The following ZNF736 variants were observed in gnomAD, a reference collection of about 807,000 sequenced individuals.
ZNF736 encodes zinc finger protein 736.
Under a neutral mutation model 11.7 loss-of-function variants are expected in ZNF736, and 6 were observed. The ratio of observed to expected loss-of-function variants is 0.51; its 90% CI spans 0.28 to 1.01. The LOEUF (loss-of-function observed/expected upper bound fraction) is 1.01, where lower values mean the gene tolerates loss of function less well. ZNF736 is among the 50% of genes least tolerant of loss of function. ZNF736 has a pLI of 0.09. For synonymous variants in ZNF736, 139 were observed against 164.7 expected (o/e 0.84, Z 1.19); for missense variants, 444 against 496.0 (o/e 0.90, Z 1.00).
chr7:64,353,629 A>G lies in ZNF736; in HGVS notation c.*4482A>G, dbSNP rs1789518364. 1 of 152,194 alleles carries G rather than the reference A, an allele frequency of 6.6e-6. No individual in the cohort carries two copies. The highest frequency in any genetic ancestry group is 2.4e-5 in the African/African-American group (1 of 41,450). The allele number at this position is 152,194 out of a possible 1,614,324, so 9.4% of individuals were successfully genotyped here. A position where few individuals can be genotyped will look rare whatever the true frequency, so the allele number is the denominator to read the frequency against. On this transcript the variant is annotated 3_prime_UTR_variant, in exon 4 of 4. Transcript: ENST00000423484. ...TTCTATATTAGATGGACAGATTTAT[A>G]TACTTTTCCATGGAGGATTAAGTAA...
At position 64,328,012 on chromosome 7, in the gene ZNF736, A is replaced by G. The variant is rs541212888; in HGVS notation, c.4-8247A>G. 3.9e-5 allele frequency among the ~76,000 whole-genome samples: 6 copies of G among 152,288 alleles called. No individual in the cohort carries two copies. The South Asian group carries it at 1.2e-3, about 32-fold the overall frequency. Reference sequence around the variant, plus strand: ...GAAAGAGTTATTACTTTTCATAATTACAAGTAGTTATAGACTAATCTTTTA... The same window carrying G: ...GAAAGAGTTATTACTTTTCATAATTGCAAGTAGTTATAGACTAATCTTTTA... On this transcript the variant is annotated intron_variant, in intron 1 of 3. Coordinates refer to ENST00000423484, the MANE Select transcript of ZNF736 (RefSeq NM_001170905.3).
chr7:64,321,406 C>T (rs772078195), intron 1 of ZNF736, among the ~76,000 whole-genome samples: 4 of 152,104 alleles, frequency 2.6e-5, no homozygotes, highest in Non-Finnish European at 5.9e-5. Context: ...CAATAGAAAA[C>T]AGCTGTGTTT....
intron 3 of ZNF736, among the ~76,000 whole-genome samples, chr7:64,345,213 G>A (rs1483071970): frequency 6.6e-6 from 1 of 150,534 alleles, no homozygotes; most frequent in African/African-American, 2.4e-5. Context: ...TAGTAGAGAC[G>A]GGGTTTCACC....
intron 3 of ZNF736, among the ~76,000 whole-genome samples, chr7:64,347,640 C>T (rs151068534): frequency 2.6e-5 from 4 of 152,202 alleles, no homozygotes; most frequent in East Asian, 1.9e-4. Flanking sequence ...CTCAGCTGTC[C>T]GAAACTGTCA....
intron 1 of ZNF736, among the ~76,000 whole-genome samples, chr7:64,325,267 G>GT (rs1420534376): frequency 1.3e-5 from 2 of 151,986 alleles, no homozygotes; most frequent in Non-Finnish European, 2.9e-5. Flanking sequence ...TGTTAAATTT[G>GT]TTTTTCGCCT....
At chr7:64,337,746 G>GTTTTGT (rs1562673494) in intron 3 of ZNF736, among the ~76,000 whole-genome samples, 1 of 79,362 alleles carries the variant, frequency 1.3e-5, no homozygotes, top group South Asian at 5.4e-4. Flanking sequence ...GTTTTGTTTT[G>GTTTTGT]TTTTTTTTGG....
chr7:64,353,308 A>G lies in ZNF736; in HGVS notation c.*4161A>G, dbSNP rs942770123. ...TGCCTTGCTTTACTCCATTCTCCATAGATTGTTTCTTTGATTATTCCCAAT... is the reference window on the plus strand; with the variant it reads ...TGCCTTGCTTTACTCCATTCTCCATGGATTGTTTCTTTGATTATTCCCAAT... On this transcript the variant is annotated 3_prime_UTR_variant, in exon 4 of 4. Coordinates refer to ENST00000423484, the MANE Select transcript of ZNF736 (RefSeq NM_001170905.3). 1 of 152,046 alleles carries G rather than the reference A, an allele frequency of 6.6e-6. No individual in the cohort carries two copies. Among genetic ancestry groups the G allele is most frequent in the Admixed American group, 6.6e-5 (1 of 15,264 alleles). 9.4% of individuals were successfully genotyped at this position (152,046 alleles called of 1,614,324 possible). A position where few individuals can be genotyped will look rare whatever the true frequency, so the allele number is the denominator to read the frequency against.
At chr7:64,319,812 G>A (rs1788979572) in intron 1 of ZNF736, among the ~76,000 whole-genome samples, 2 of 147,096 alleles carry the variant, frequency 1.4e-5, no homozygotes, top group Non-Finnish European at 3.0e-5. Flanking sequence ...TTCTTTACTT[G>A]TCTTTTTCTT....
intron 1 of ZNF736, among the ~76,000 whole-genome samples, chr7:64,325,353 A>G (rs563064084): frequency 3.9e-5 from 6 of 152,308 alleles, no homozygotes; most frequent in South Asian, 4.1e-4. Context: ...CTGGATGACT[A>G]TTTCTAGCTT....
chr7:64,345,527 G>A (rs1439295209), intron 3 of ZNF736, among the ~76,000 whole-genome samples: 20 of 150,998 alleles, frequency 1.3e-4, no homozygotes, highest in African/African-American at 3.4e-4. Context: ...TAAGGAGATC[G>A]AGACCATCCT....
intron 1 of ZNF736, among the ~76,000 whole-genome samples, chr7:64,319,918 T>A (rs149935225): frequency 1.5e-3 from 236 of 152,268 alleles, no homozygotes; most frequent in Middle Eastern, 0.01. Context: ...TAATCACTAT[T>A]CAAAGCTGTT....
At chr7:64,317,494 T>C (rs1186572455) in intron 1 of ZNF736, among the ~76,000 whole-genome samples, 6 of 152,202 alleles carry the variant, frequency 3.9e-5, no homozygotes, top group Non-Finnish European at 8.8e-5. Context: ...AGTACTGGGT[T>C]TTTTCAGAGC....
intron 3 of ZNF736, among the ~76,000 whole-genome samples, chr7:64,341,621 C>G (rs1789339572): frequency 6.6e-6 from 1 of 152,068 alleles, no homozygotes; most frequent in Admixed American, 6.6e-5. Context: ...AACTGTAATT[C>G]TCATTACTCC....
At chr7:64,319,315 ATGTGTG>A (rs1163181565) in intron 1 of ZNF736, among the ~76,000 whole-genome samples, 2 of 82,760 alleles carry the variant, frequency 2.4e-5, no homozygotes, top group Admixed American at 2.7e-4. Flanking sequence ...GTGTATATGT[ATGTGTG>A]TGTGTGTATG....
intron 1 of ZNF736, among the ~76,000 whole-genome samples, chr7:64,318,005 A>T (rs1788940641): frequency 6.6e-6 from 1 of 151,954 alleles, no homozygotes; most frequent in African/African-American, 2.4e-5. Context: ...AGTTTTAGTT[A>T]CGAATCTTGG....
intron 1 of ZNF736, among the ~76,000 whole-genome samples, chr7:64,327,821 A>G (rs1361136316): frequency 6.6e-6 from 1 of 152,218 alleles, no homozygotes; most frequent in Non-Finnish European, 1.5e-5. Flanking sequence ...AAGAAAGCAA[A>G]GAGAAAACTA....
chr7:64,316,332 C>T (rs1788917770), intron 1 of ZNF736, among the ~76,000 whole-genome samples: 1 of 152,190 alleles, frequency 6.6e-6, no homozygotes, highest in Non-Finnish European at 1.5e-5. Flanking sequence ...GTTTTCATTT[C>T]TTGCAGACAC....
chr7:64,314,212 A>C, intron 1 of ZNF736, 59 bp downstream of exon 1: 1 of 1,546,072 alleles, frequency 6.5e-7, no homozygotes, highest in Non-Finnish European at 8.7e-7. Context: ...ATCCGGCCGG[A>C]ACCGGCTGCG....
intron 3 of ZNF736, among the ~76,000 whole-genome samples, chr7:64,337,753 TTG>T (rs199976325): frequency 0.077 from 4,931 of 64,266 alleles, 204 homozygotes; most frequent in East Asian, 0.36. Flanking sequence ...TTTGTTTTTT[TTG>T]GTTTTTTTTT....
Sources: allele counts gnomAD v4.1 joint callset (sites outside exome capture counted in the v4.1 genomes callset), GRCh38; gene constraint gnomAD v4.1.1; transcripts MANE v1.5; gene names NCBI Gene and HGNC (gene_info 2026-07-23, HGNC 2026-07-21).